SND1: variants seen among roughly 807,000 people sequenced by gnomAD.
The protein encoded by SND1 is staphylococcal nuclease domain-containing protein 1.
Under a neutral mutation model 121.7 loss-of-function variants are expected in SND1, and 38 were observed. The observed-to-expected ratio is 0.31, with a 90% CI of 0.24 to 0.41. The LOEUF (loss-of-function observed/expected upper bound fraction) is 0.41, where lower values mean the gene tolerates loss of function less well. Ranked by LOEUF, SND1 falls within the 10% of genes least tolerant of loss-of-function variation. The pLI, the probability that SND1 is intolerant of heterozygous loss-of-function variation, is 1.00. For synonymous variants in SND1, 401 were observed against 447.4 expected (o/e 0.90, Z 1.31); for missense variants, 868 against 1,184.6 (o/e 0.73, Z 3.92).
chr7:127,671,923 G>A (rs1280381351), intron 1 of SND1, among the ~76,000 whole-genome samples: 1 of 152,130 alleles, frequency 6.6e-6, no homozygotes, highest in African/African-American at 2.4e-5. Context: ...AAAAAATGTG[G>A]CATTAAATAG....
At chr7:127,894,197 T>TTGTA (rs1800071768) in intron 13 of SND1, among the ~76,000 whole-genome samples, 1 of 152,108 alleles carries the variant, frequency 6.6e-6, no homozygotes, top group Admixed American at 6.6e-5. Flanking sequence ...CTTTCTAAGT[T>TTGTA]CCATATGTTT....
chr7:128,030,410 G>A (rs780679667), intron 16 of SND1: 11 of 1,613,866 alleles, frequency 6.8e-6, no homozygotes, highest in Non-Finnish European at 9.3e-6. Context: ...TGAGGTACCG[G>A]GTGTTCGAGG....
At chr7:127,731,846 T>G (rs1179702606) in intron 10 of SND1, among the ~76,000 whole-genome samples, 3 of 152,194 alleles carry the variant, frequency 2.0e-5, no homozygotes, top group South Asian at 4.1e-4. Flanking sequence ...AAGATACAAA[T>G]TAGTCCCAGA....
intron 16 of SND1, among the ~76,000 whole-genome samples, chr7:128,018,386 G>T (rs920166385): frequency 2.6e-5 from 4 of 152,220 alleles, no homozygotes; most frequent in Admixed American, 1.3e-4. Context: ...AACACATGCT[G>T]TGTACACACA....
intron 12 of SND1, among the ~76,000 whole-genome samples, chr7:127,886,849 CAAAAA>C (rs11413396): frequency 3.4e-5 from 4 of 118,424 alleles, no homozygotes; most frequent in Non-Finnish European, 6.7e-5. Context: ...CTTATTCTGG[CAAAAA>C]AAAAAAAAAA....
chr7:127,880,791 C>T (rs752178393), intron 12 of SND1, among the ~76,000 whole-genome samples: 5 of 151,914 alleles, frequency 3.3e-5, no homozygotes, highest in African/African-American at 9.7e-5. Context: ...AGGCCCAGAA[C>T]GTGATACCCC....
chr7:127,719,130 GC>G (rs933794233), intron 9 of SND1, among the ~76,000 whole-genome samples: 1 of 152,012 alleles, frequency 6.6e-6, no homozygotes, highest in African/African-American at 2.4e-5. Context: ...CATGGAAACT[GC>G]CCCCCTGAAA....
At chr7:127,979,584 T>A (rs1252640114) in intron 15 of SND1, among the ~76,000 whole-genome samples, 1 of 152,020 alleles carries the variant, frequency 6.6e-6, no homozygotes, top group Admixed American at 6.6e-5. Flanking sequence ...TCAGAGCAGG[T>A]GATAGAGGCT....
chr7:127,842,577 G>A (rs753196420), intron 11 of SND1, among the ~76,000 whole-genome samples: 4 of 152,214 alleles, frequency 2.6e-5, no homozygotes, highest in Non-Finnish European at 5.9e-5. Context: ...GTATGTTGGT[G>A]TTGGGCTTAA....
At chr7:128,075,111 G>A (rs1453413539) in intron 17 of SND1, among the ~76,000 whole-genome samples, 1 of 152,214 alleles carries the variant, frequency 6.6e-6, no homozygotes, top group Non-Finnish European at 1.5e-5. Context: ...TGCCCCGTGG[G>A]GAAACAACCC....
intron 10 of SND1, among the ~76,000 whole-genome samples, chr7:127,754,574 T>G (rs1797160442): frequency 6.6e-6 from 1 of 151,996 alleles, no homozygotes; most frequent in South Asian, 2.1e-4. Context: ...AAGAGAGATG[T>G]GGCAATCAAG....
chr7:127,747,854 T>C (rs180722546), intron 10 of SND1, among the ~76,000 whole-genome samples: 22 of 152,338 alleles, frequency 1.4e-4, no homozygotes, highest in Non-Finnish European at 2.8e-4. Context: ...TTTATTTGTC[T>C]AGTGTAGGGA....
chr7:127,774,580 ATT>A (rs71179600), intron 10 of SND1, among the ~76,000 whole-genome samples: 14 of 139,142 alleles, frequency 1.0e-4, no homozygotes, highest in Admixed American at 2.2e-4. Flanking sequence ...ATTTTTTATC[ATT>A]TTTTTTTTTT....
At chr7:127,893,577 A>T (rs1478829707) in intron 13 of SND1, among the ~76,000 whole-genome samples, 1 of 152,128 alleles carries the variant, frequency 6.6e-6, no homozygotes, top group Non-Finnish European at 1.5e-5. Context: ...GCCTGACTGT[A>T]GGAAAGCAAT....
rs114933415 is a variant in SND1, at chr7:127,984,603, A to G, written c.1670-6344A>G. ...ATTCAACATTTATTGAGCGTCTCCA[A>G]TGCCACTGTGTGCTACATAGTATGT... On this transcript the variant is annotated intron_variant, in intron 15 of 23. Coordinates refer to ENST00000354725, the MANE Select transcript of SND1 (RefSeq NM_014390.4). Among the ~76,000 whole-genome samples, 326 of 152,328 alleles carry G rather than the reference A, an allele frequency of 2.1e-3. 2 individuals are homozygous for G. The highest frequency in any genetic ancestry group is 7.0e-3 in the African/African-American group (293 of 41,568).
chr7:127,919,351 A>G (rs914279801), intron 14 of SND1, among the ~76,000 whole-genome samples: 9 of 152,034 alleles, frequency 5.9e-5, no homozygotes, highest in Non-Finnish European at 7.4e-5. Flanking sequence ...CAAGTTCTTG[A>G]TTTGCCCATG....
At chr7:127,717,221 A>T (rs1418710156) in intron 9 of SND1, among the ~76,000 whole-genome samples, 1 of 152,162 alleles carries the variant, frequency 6.6e-6, no homozygotes, top group Non-Finnish European at 1.5e-5. Context: ...ATCAATATAG[A>T]TACATTTTTA....
chr7:127,681,337 T>C (rs1795722609), intron 1 of SND1, among the ~76,000 whole-genome samples: 1 of 152,242 alleles, frequency 6.6e-6, no homozygotes, highest in Non-Finnish European at 1.5e-5. Flanking sequence ...AATTGGGCTA[T>C]TGTCTTCTTA....
chr7:127,666,047 A>G (rs935853003), intron 1 of SND1, among the ~76,000 whole-genome samples: 5 of 152,216 alleles, frequency 3.3e-5, no homozygotes, highest in African/African-American at 1.2e-4. Context: ...CACAGCCCAG[A>G]GGCCAGGAGG....
Sources: allele counts gnomAD v4.1 joint callset (sites outside exome capture counted in the v4.1 genomes callset), GRCh38; gene constraint gnomAD v4.1.1; transcripts MANE v1.5; gene names NCBI Gene and HGNC (gene_info 2026-07-23, HGNC 2026-07-21).